The following DDX31 variants were observed in gnomAD, a reference collection of about 807,000 sequenced individuals.
DDX31 encodes the protein ATP-dependent DNA helicase DDX31.
Under a neutral mutation model 91.3 loss-of-function variants are expected in DDX31, and 70 were observed. The observed-to-expected ratio is 0.77, with a 90% CI of 0.63 to 0.94. DDX31 has a LOEUF of 0.94. DDX31 is among the 40% of genes least tolerant of loss of function. The pLI, the probability that DDX31 is intolerant of heterozygous loss-of-function variation, is 0.00. For synonymous variants in DDX31, 362 were observed against 350.6 expected (o/e 1.03, Z -0.36); for missense variants, 902 against 925.0 (o/e 0.98, Z 0.32).
chr9:132,624,027 C>A (rs928095834), intron 17 of DDX31, among the ~76,000 whole-genome samples: 1 of 151,766 alleles, frequency 6.6e-6, no homozygotes, highest in Non-Finnish European at 1.5e-5. Flanking sequence ...ATTAGCTGGG[C>A]GTGGTGGCAT....
At chr9:132,598,280 C>T (rs765688284) in intron 19 of DDX31, among the ~76,000 whole-genome samples, 12 of 152,184 alleles carry the variant, frequency 7.9e-5, no homozygotes, top group African/African-American at 2.4e-4. Flanking sequence ...CCCAAGCATG[C>T]GATGGGCACT....
chr9:132,601,886 G>T (rs1830742082), intron 19 of DDX31, among the ~76,000 whole-genome samples: 1 of 152,134 alleles, frequency 6.6e-6, no homozygotes, highest in African/African-American at 2.4e-5. Context: ...CACTTACAAC[G>T]ATTAATGAGC....
chr9:132,642,217 C>A (rs1035514227), intron 13 of DDX31, among the ~76,000 whole-genome samples, 154 bp from the exon 14 acceptor site: 89 of 152,188 alleles, frequency 5.8e-4, no homozygotes, highest in Admixed American at 2.4e-3. Flanking sequence ...GGATTCTTTA[C>A]ATCTTCTAAG....
intron 14 of DDX31, among the ~76,000 whole-genome samples, chr9:132,639,491 G>A (rs1833351120): frequency 6.6e-6 from 1 of 152,214 alleles, no homozygotes; most frequent in Admixed American, 6.5e-5. Context: ...GACTGGCAGG[G>A]CGCAGAGGGC....
chr9:132,629,364 G>A (rs1049670321), intron 16 of DDX31, among the ~76,000 whole-genome samples: 3 of 152,240 alleles, frequency 2.0e-5, no homozygotes, highest in African/African-American at 7.2e-5. Flanking sequence ...TTTTCTGAAT[G>A]AGCCTCAGTC....
intron 19 of DDX31, among the ~76,000 whole-genome samples, chr9:132,596,406 C>CT (rs1830436090): frequency 2.0e-5 from 3 of 152,158 alleles, no homozygotes; most frequent in Non-Finnish European, 4.4e-5. Flanking sequence ...AAGCCAACCT[C>CT]TGCAGGAAAA....
intron 19 of DDX31, among the ~76,000 whole-genome samples, chr9:132,610,486 A>G (rs1831261653): frequency 6.6e-6 from 1 of 152,206 alleles, no homozygotes; most frequent in Admixed American, 6.5e-5. Flanking sequence ...AGAATTAGGC[A>G]ACACTGTATC....
At chr9:132,640,584 C>G (rs571448250) in intron 14 of DDX31, among the ~76,000 whole-genome samples, 1 of 152,132 alleles carries the variant, frequency 6.6e-6, no homozygotes, top group Non-Finnish European at 1.5e-5. Flanking sequence ...GTAGCCTCGA[C>G]CTTCTGGGCT....
intron 14 of DDX31, among the ~76,000 whole-genome samples, chr9:132,635,550 G>A (rs552707212): frequency 5.6e-5 from 8 of 143,348 alleles, no homozygotes; most frequent in African/African-American, 1.5e-4. Context: ...TGATCTGCCC[G>A]CCTCGGCCTC....
chr9:132,663,518 G>A (rs1590109189), intron 1 of DDX31: 1 of 985,428 alleles, frequency 1.0e-6, no homozygotes, highest in Non-Finnish European at 1.2e-6. Context: ...CTTCCCCTAG[G>A]AGAAGGAACA....
chr9:132,605,199 G>A (rs2119233008), intron 19 of DDX31, among the ~76,000 whole-genome samples: 1 of 152,222 alleles, frequency 6.6e-6, no homozygotes, highest in East Asian at 1.9e-4. Flanking sequence ...CTTCCTCTCA[G>A]AATTATAGGA....
rs1830461847 is a variant in DDX31, at chr9:132,596,882, TGGA to T, written c.1995-1773_1995-1771del. On this transcript the variant is annotated intron_variant, in intron 19 of 19. Transcript: ENST00000372159. ...GAGGGGAGACAGCAGAGCTGCAGGGTGGAGGAGGGAGAAGCCAGGGTTGGAACT... is the reference window on the plus strand; with the variant it reads ...GAGGGGAGACAGCAGAGCTGCAGGGTGGAGGGAGAAGCCAGGGTTGGAACT... Among the ~76,000 whole-genome samples the T allele has an allele frequency of 1.3e-5, 2 of 151,778 alleles. 1 individual carries two copies. Among genetic ancestry groups the T allele is most frequent in the South Asian group, 4.2e-4 (2 of 4,790 alleles).
intron 17 of DDX31, among the ~76,000 whole-genome samples, chr9:132,620,320 C>A (rs1193708881): frequency 1.3e-5 from 2 of 151,404 alleles, no homozygotes; most frequent in African/African-American, 4.9e-5. Context: ...TTCTGTGTCA[C>A]AACTGTCAGG....
At chr9:132,648,929 T>C (rs754220211) in intron 9 of DDX31, among the ~76,000 whole-genome samples, 3 of 152,228 alleles carry the variant, frequency 2.0e-5, no homozygotes, top group East Asian at 1.9e-4. Flanking sequence ...AGTGATTCCA[T>C]GCCAATGTGC....
intron 18 of DDX31, among the ~76,000 whole-genome samples, chr9:132,613,940 G>A (rs575838561): frequency 6.6e-6 from 1 of 152,264 alleles, no homozygotes; most frequent in Non-Finnish European, 1.5e-5. Context: ...CGCCATCCCT[G>A]TCACTGCTCT....
chr9:132,650,164 C>A, intron 9 of DDX31, 70 bp downstream of exon 9: 2 of 1,463,606 alleles, frequency 1.4e-6, no homozygotes, highest in South Asian at 2.3e-5. Flanking sequence ...TTTAGAAGGA[C>A]CCAGCCTTAC....
At chr9:132,644,344 T>C (rs750153191) in intron 13 of DDX31, among the ~76,000 whole-genome samples, 2 of 152,250 alleles carry the variant, frequency 1.3e-5, no homozygotes, top group African/African-American at 2.4e-5. Flanking sequence ...GCACTTCCTG[T>C]GTGCTAGGCC....
chr9:132,663,420 G>A (rs2583805), intron 1 of DDX31: 1 of 985,138 alleles, frequency 1.0e-6, no homozygotes, highest in Non-Finnish European at 1.2e-6. Flanking sequence ...GCCTGATTGC[G>A]GATTACAGGC....
chr9:132,624,945 C>T (rs1832306063), intron 17 of DDX31, among the ~76,000 whole-genome samples: 2 of 152,168 alleles, frequency 1.3e-5, no homozygotes, highest in African/African-American at 4.8e-5. Context: ...TCCAGTTCAT[C>T]CTCAGGCATA....
Sources: gnomAD v4.1 joint callset for allele counts (sites outside exome capture counted in the v4.1 genomes callset) on GRCh38, gnomAD v4.1.1 for gene constraint, MANE v1.5 for transcripts, NCBI Gene and HGNC (gene_info 2026-07-23, HGNC 2026-07-21) for gene names.